The following SNX29 variants were observed in gnomAD, a reference collection of about 807,000 sequenced individuals.
The protein encoded by SNX29 is sorting nexin-29.
A neutral mutation model predicts 102.1 loss-of-function variants in SNX29; 78 were observed. The observed-to-expected ratio is 0.76, with a 90% CI of 0.64 to 0.92. The LOEUF is 0.92. Among genes scored for constraint, SNX29 ranks in the 40% least tolerant of loss-of-function variants. SNX29 has a pLI of 0.00. For missense variants in SNX29, 1,280 were observed against 1,061.7 expected (o/e 1.21, Z -2.86); for synonymous variants, 580 against 414.5 (o/e 1.40, Z -4.85).
At chr16:12,295,118 C>A (rs2079935853) in intron 15 of SNX29, among the ~76,000 whole-genome samples, 1 of 152,252 alleles carries the variant, frequency 6.6e-6, no homozygotes, top group Admixed American at 6.5e-5. Context: ...TATCCCCCCA[C>A]TGGTTCTTCC....
At chr16:12,066,371 T>G (rs2051037846) in intron 9 of SNX29, among the ~76,000 whole-genome samples, 1 of 152,046 alleles carries the variant, frequency 6.6e-6, no homozygotes, top group African/African-American at 2.4e-5. Context: ...CCTGGCTCTG[T>G]GATGGGATGG....
rs571297314 is a variant in SNX29 at position 12,560,426 on chromosome 16, G to A, written c.2319-8080G>A. 3.9e-4 allele frequency among the ~76,000 whole-genome samples: 60 copies of A among 152,234 alleles called. 1 individual carries two copies. The South Asian group carries it at 0.011, about 27-fold the overall frequency. On this transcript the variant is annotated intron_variant, in intron 20 of 20. Transcript: ENST00000566228. ...AAAAGCCACAGTGTCTGTCCTGTAG[G>A]CATCCATGTCCCCAGCCCCGAGTCT...
chr16:12,558,775 G>A (rs2078535048), intron 20 of SNX29, among the ~76,000 whole-genome samples: 1 of 152,200 alleles, frequency 6.6e-6, no homozygotes, highest in South Asian at 2.1e-4. Context: ...ATCCCGCATT[G>A]TACAACCTGA....
intron 20 of SNX29, among the ~76,000 whole-genome samples, chr16:12,564,543 C>G (rs9939198): frequency 0.24 from 36,828 of 152,078 alleles, 4,769 homozygotes; most frequent in East Asian, 0.44. Flanking sequence ...GGAGTTAAGG[C>G]CTTTGGCAAC....
rs534553747 is a variant in SNX29 at position 12,551,725 on chromosome 16, G to T, written c.2319-16781G>T. Among the ~76,000 whole-genome samples, 51 of 152,300 alleles carry T rather than the reference G, an allele frequency of 3.3e-4. 1 individual carries two copies. The highest frequency in any genetic ancestry group is 1.0e-3 in the African/African-American group (42 of 41,570). ...GGTGGTGAGCCAACTTGTGAATGGG[G>T]ACAGCTGACAAGAAATACTTCCTGG... is the stretch of plus-strand genomic sequence containing the variant. On this transcript the variant is annotated intron_variant, in intron 20 of 20. Coordinates refer to ENST00000566228, the MANE Select transcript of SNX29 (RefSeq NM_032167.5).
intron 18 of SNX29, among the ~76,000 whole-genome samples, chr16:12,428,440 T>G (rs2085172178): frequency 6.6e-6 from 1 of 151,868 alleles, no homozygotes; most frequent in Non-Finnish European, 1.5e-5. Flanking sequence ...ATGCTAAAAG[T>G]AGTACATCTT....
intron 13 of SNX29, among the ~76,000 whole-genome samples, chr16:12,180,972 C>T (rs969635551): frequency 6.6e-6 from 1 of 152,182 alleles, no homozygotes; most frequent in Non-Finnish European, 1.5e-5. Context: ...TAATGTCTCG[C>T]TCCTGCTAAA....
intron 13 of SNX29, among the ~76,000 whole-genome samples, chr16:12,156,277 G>A (rs1403292853): frequency 2.0e-5 from 3 of 152,174 alleles, no homozygotes; most frequent in Non-Finnish European, 2.9e-5. Context: ...AGATTCAAGC[G>A]ATTCTCCTGC....
intron 13 of SNX29, among the ~76,000 whole-genome samples, chr16:12,173,824 T>C (rs1319792235): frequency 2.0e-5 from 3 of 152,338 alleles, no homozygotes; most frequent in East Asian, 3.9e-4. Flanking sequence ...TCTCACTCTG[T>C]TGCCCAGGCT....
chr16:12,572,114 A>AGGCCAGCAG lies in SNX29; in HGVS notation c.*3486_*3487insGCCAGCAGG. On this transcript the variant is annotated 3_prime_UTR_variant, in exon 21 of 21. Coordinates refer to ENST00000566228, the MANE Select transcript of SNX29 (RefSeq NM_032167.5). ...AGGGATGTGGACTGGGTCTGATCAC[A>AGGCCAGCAG]GCCCTTGGCCCTGCTTCATACTTTG... The AGGCCAGCAG allele has an allele frequency of 9.5e-7, 1 of 1,047,630 alleles. No homozygotes were observed. The highest frequency in any genetic ancestry group is 1.2e-6 in the Non-Finnish European group (1 of 863,524). 64.9% of individuals were successfully genotyped at this position (1,047,630 alleles called of 1,614,324 possible).
At chr16:12,461,933 G>T (rs1246519591) in intron 18 of SNX29, among the ~76,000 whole-genome samples, 1 of 123,822 alleles carries the variant, frequency 8.1e-6, no homozygotes, top group Non-Finnish European at 1.6e-5. Flanking sequence ...TCCAACCTGG[G>T]TGACAGAGCG....
At chr16:12,554,409 C>T (rs2561039) in intron 20 of SNX29, among the ~76,000 whole-genome samples, 3 of 152,282 alleles carry the variant, frequency 2.0e-5, no homozygotes, top group South Asian at 2.1e-4. Context: ...GCATCGTCTT[C>T]TGTAATGTCA....
intron 18 of SNX29, among the ~76,000 whole-genome samples, chr16:12,430,418 A>C (rs1406080845): frequency 6.6e-6 from 1 of 152,138 alleles, no homozygotes; most frequent in African/African-American, 2.4e-5. Flanking sequence ...CCAAGAACAG[A>C]CCTGAGGGGC....
intron 16 of SNX29, 121 bp downstream of exon 16, chr16:12,356,400 A>T: frequency 1.3e-6 from 1 of 765,728 alleles, no homozygotes. Context: ...GCCCACATTC[A>T]CCTCTGCCAC....
At position 12,443,740 on chromosome 16, in the gene SNX29, C is replaced by T. The variant is rs114833164; in HGVS notation, c.2038-33979C>T. Among the ~76,000 whole-genome samples the T allele has an allele frequency of 8.7e-3, 1,322 of 152,340 alleles. 24 individuals are homozygous for T. Among genetic ancestry groups the T allele is most frequent in the African/African-American group, 0.03 (1,252 of 41,566 alleles). ...TGCTGGAATTCCAGGCATGAGCCAC[C>T]GCACCCGGCCAAGCACGACTTTTAA... On this transcript the variant is annotated intron_variant, in intron 18 of 20. Transcript: ENST00000566228.
chr16:12,240,491 A>G (rs933002962), intron 14 of SNX29, among the ~76,000 whole-genome samples: 22 of 145,192 alleles, frequency 1.5e-4, no homozygotes, highest in African/African-American at 5.7e-4. Context: ...GTCTATAACG[A>G]TCTTGATTTT....
intron 20 of SNX29, among the ~76,000 whole-genome samples, chr16:12,565,547 T>TC (rs2078965208): frequency 6.6e-6 from 1 of 152,092 alleles, no homozygotes; most frequent in Admixed American, 6.5e-5. Flanking sequence ...GATTGAACCA[T>TC]CCCTGTGTCA....
chr16:12,538,807 C>T (rs898055670), intron 20 of SNX29, among the ~76,000 whole-genome samples: 7 of 152,136 alleles, frequency 4.6e-5, no homozygotes, highest in African/African-American at 9.7e-5. Context: ...AGGCAGAAAC[C>T]AGAGTCAGTG....
At chr16:12,481,120 C>T (rs1046041844) in intron 19 of SNX29, among the ~76,000 whole-genome samples, 1 of 152,122 alleles carries the variant, frequency 6.6e-6, no homozygotes, top group African/African-American at 2.4e-5. Flanking sequence ...TTTTATCCCC[C>T]CAACATAACC....
Sources: allele counts gnomAD v4.1 joint callset (sites outside exome capture counted in the v4.1 genomes callset), GRCh38; gene constraint gnomAD v4.1.1; transcripts MANE v1.5; gene names NCBI Gene and HGNC (gene_info 2026-07-23, HGNC 2026-07-21).